SATB2: variants seen among roughly 807,000 people sequenced by gnomAD.
The protein encoded by SATB2 is SATB homeobox 2.
In SATB2, 1 loss-of-function variant was observed where a neutral mutation model predicts 73.4. That is an observed-to-expected ratio of 0.01 (90% CI 0.00 to 0.06). The LOEUF is 0.06. Among genes scored for constraint, SATB2 ranks in the 10% least tolerant of loss-of-function variants. The pLI, the probability that SATB2 is intolerant of heterozygous loss-of-function variation, is 1.00. For missense variants in SATB2, 459 were observed against 945.8 expected, an observed-to-expected ratio of 0.49 and a Z score of 6.75; for synonymous variants, 397 against 367.0, an observed-to-expected ratio of 1.08 and a Z score of -0.93.
At chr2:199,358,099 G>A (rs1462678019) in intron 6 of SATB2, among the ~76,000 whole-genome samples, 2 of 151,942 alleles carry the variant, frequency 1.3e-5, no homozygotes, top group Admixed American at 6.6e-5. Flanking sequence ...ACACATTAAT[G>A]GTCAACAACC....
At position 199,464,423 on chromosome 2, in the gene SATB2, G is replaced by A. The variant is rs561827736; in HGVS notation, c.-141+413C>T. 1.4e-5 allele frequency among the ~76,000 whole-genome samples: 2 copies of A among 146,698 alleles called. No homozygotes were observed. The highest frequency in any genetic ancestry group is 1.3e-4 in the Admixed American group (2 of 15,132). ...CATACACCCCCACCACCATTTCCAC[G>A]CGCGCGCGCGCACACACACACACAC... On this transcript the variant is annotated intron_variant, in intron 1 of 11. Coordinates refer to the SATB2 transcript ENST00000260926. The surrounding 1 kb of genome is among the most constrained non-coding windows in gnomAD (Gnocchi z 6.6).
At chr2:199,462,023 T>A (rs985755873), upstream of SATB2, among the ~76,000 whole-genome samples, 4 of 152,212 alleles carry the variant, frequency 2.6e-5, no homozygotes, top group Non-Finnish European at 5.9e-5. This position sits in a 1 kb window ranked among gnomAD's most constrained non-coding sequence, Gnocchi z 5.9. Context: ...GGCTCTCGCC[T>A]GGGCCATCCC....
chr2:199,349,320 G>A, intron 6 of SATB2, 147 bp from the exon 7 acceptor site: 1 of 671,434 alleles, frequency 1.5e-6, no homozygotes, highest in Non-Finnish European at 2.5e-6. Context: ...GCATAAAAGT[G>A]ATATTCTTTT....
At chr2:199,281,541 T>G (rs1221049769) in intron 10 of SATB2, among the ~76,000 whole-genome samples, 1 of 152,056 alleles carries the variant, frequency 6.6e-6, no homozygotes, top group Non-Finnish European at 1.5e-5. Context: ...AAAGTCCTTA[T>G]GCATAACTCA....
At chr2:199,422,922 G>T (rs563606348) in intron 3 of SATB2, among the ~76,000 whole-genome samples, 64 of 152,216 alleles carry the variant, frequency 4.2e-4, no homozygotes, top group African/African-American at 1.5e-3. Context: ...TAAGCTAATT[G>T]TAACAATGTT....
At chr2:199,394,672 G>A (rs1438851492) in intron 3 of SATB2, among the ~76,000 whole-genome samples, 3 of 152,032 alleles carry the variant, frequency 2.0e-5, no homozygotes, top group African/African-American at 2.4e-5. Context: ...GTGGTGGCAC[G>A]TACCTGCAGT....
chr2:199,438,943 G>C (rs901400539), intron 2 of SATB2, among the ~76,000 whole-genome samples: 1 of 152,244 alleles, frequency 6.6e-6, no homozygotes, highest in African/African-American at 2.4e-5. Flanking sequence ...TCCCAAGCAG[G>C]CTGCTTTCCT....
chr2:199,456,951 C>T (rs1361974747), intron 1 of SATB2, among the ~76,000 whole-genome samples: 1 of 135,472 alleles, frequency 7.4e-6, no homozygotes, highest in Admixed American at 8.2e-5. Context: ...AGCCGCAGGT[C>T]TCGACACCCC....
chr2:199,357,416 T>C (rs1689018883), intron 6 of SATB2, among the ~76,000 whole-genome samples: 1 of 152,160 alleles, frequency 6.6e-6, no homozygotes, highest in African/African-American at 2.4e-5. Context: ...AAAATTCATA[T>C]AATAAACATT....
intron 7 of SATB2, among the ~76,000 whole-genome samples, chr2:199,342,951 G>A (rs1688548219): frequency 6.6e-6 from 1 of 152,122 alleles, no homozygotes; most frequent in South Asian, 2.1e-4. Flanking sequence ...AGCCATAACA[G>A]GGTAATTAAT....
intron 9 of SATB2, among the ~76,000 whole-genome samples, chr2:199,316,593 T>C (rs1349739220): frequency 6.6e-6 from 1 of 152,100 alleles, no homozygotes; most frequent in Non-Finnish European, 1.5e-5. Context: ...TCTATGGATA[T>C]GTCTGTAAAG....
chr2:199,370,268 G>A (rs914681577), intron 5 of SATB2, among the ~76,000 whole-genome samples: 16 of 149,694 alleles, frequency 1.1e-4, no homozygotes, highest in East Asian at 5.9e-4. Context: ...TTTCTATCTC[G>A]TGTCTCACAT....
chr2:199,458,850 G>T, upstream of SATB2: 1 of 297,376 alleles, frequency 3.4e-6, no homozygotes, highest in South Asian at 2.4e-5. Context: ...CGAACGTCCC[G>T]GCCCGCCGCG....
chr2:199,395,325 C>T (rs1441701914), intron 3 of SATB2, among the ~76,000 whole-genome samples: 1 of 152,130 alleles, frequency 6.6e-6, no homozygotes, highest in Non-Finnish European at 1.5e-5. Context: ...GACCAAGTTA[C>T]CCAATATTAC....
intron 3 of SATB2, among the ~76,000 whole-genome samples, chr2:199,407,843 G>A (rs942087700): frequency 2.5e-4 from 38 of 152,226 alleles, no homozygotes; most frequent in South Asian, 8.3e-4. Flanking sequence ...GCATAGAAGC[G>A]ATATCTGATG....
chr2:199,333,167 A>C (rs980773135), intron 7 of SATB2, among the ~76,000 whole-genome samples: 1 of 152,046 alleles, frequency 6.6e-6, no homozygotes. Context: ...AAAAAAAAAA[A>C]CAGATCAGTC....
intron 3 of SATB2, among the ~76,000 whole-genome samples, chr2:199,420,090 C>G (rs552200861): frequency 6.0e-4 from 91 of 152,286 alleles, no homozygotes; most frequent in African/African-American, 2.1e-3. Flanking sequence ...TCTCAAGAAA[C>G]AGAATGCCTG....
chr2:199,284,340 G>T (rs376550080), intron 10 of SATB2, among the ~76,000 whole-genome samples: 22 of 152,258 alleles, frequency 1.4e-4, no homozygotes, highest in African/African-American at 5.1e-4. Context: ...ATAGGTAAAA[G>T]AAAAAGTATG....
chr2:199,297,928 C>T (rs1444375870), intron 10 of SATB2, among the ~76,000 whole-genome samples: 1 of 67,984 alleles, frequency 1.5e-5, no homozygotes, highest in African/African-American at 3.5e-5. Context: ...GTTATAATAA[C>T]TTTTAAAAAA....
Sources: allele counts gnomAD v4.1 joint callset (sites outside exome capture counted in the v4.1 genomes callset), GRCh38; gene constraint gnomAD v4.1.1; non-coding constraint Gnocchi (gnomAD v3.1); transcripts MANE v1.5; gene names NCBI Gene and HGNC (gene_info 2026-07-23, HGNC 2026-07-21).